The following TSHR variants were observed in gnomAD, a reference collection of about 807,000 sequenced individuals.
TSHR encodes the protein thyrotropin receptor.
In TSHR, 51 loss-of-function variants were observed where a neutral mutation model predicts 64.1. The observed-to-expected ratio is 0.80, with a 90% confidence interval of 0.64 to 1.01. The LOEUF is 1.01. Ranked by LOEUF, TSHR falls within the 50% of genes least tolerant of loss-of-function variation. TSHR has a pLI of 0.00. For synonymous variants in TSHR, 361 were observed against 361.9 expected, an observed-to-expected ratio of 1.00 and a Z score of 0.03; for missense variants, 877 against 942.8, an observed-to-expected ratio of 0.93 and a Z score of 0.91.
chr14:80,997,126 G>C (rs531409439), intron 1 of TSHR, among the ~76,000 whole-genome samples: 5 of 152,216 alleles, frequency 3.3e-5, no homozygotes, highest in Non-Finnish European at 7.4e-5. Context: ...TTACAGAAGA[G>C]GAACTGGAGG....
chr14:80,978,066 C>T (rs1292666337), intron 1 of TSHR, among the ~76,000 whole-genome samples: 1 of 149,890 alleles, frequency 6.7e-6, no homozygotes, highest in Non-Finnish European at 1.5e-5. Flanking sequence ...CTTCATCTTC[C>T]TTGCCTCCTC....
intron 1 of TSHR, among the ~76,000 whole-genome samples, chr14:80,985,623 T>G (rs185233034): frequency 8.3e-4 from 126 of 152,294 alleles, no homozygotes; most frequent in African/African-American, 2.8e-3. Context: ...TAATCCCTAG[T>G]CTGAGCTGAA....
chr14:81,115,297 A>C lies in TSHR; in HGVS notation c.692+6845A>C, dbSNP rs1321691293. ...AAAACTTTGAAAAAAATTTAGAAGA[A>C]TGTATAACGAGAATAACCAATACAG... On this transcript the variant is annotated intron_variant, in intron 8 of 9. Coordinates refer to ENST00000298171, the MANE Select transcript of TSHR (RefSeq NM_000369.5). Among the ~76,000 whole-genome samples the C allele has an allele frequency of 5.3e-5, 8 of 151,634 alleles. No individual in the cohort carries two copies. In the East Asian group the frequency reaches 1.6e-3, roughly 29 times the overall value.
At chr14:80,984,418 G>A (rs1340976124) in intron 1 of TSHR, among the ~76,000 whole-genome samples, 2 of 152,068 alleles carry the variant, frequency 1.3e-5, no homozygotes, top group East Asian at 3.8e-4. Flanking sequence ...TTTTTTTCCT[G>A]TACTCACAGT....
chr14:81,024,656 C>T (rs2139808515), intron 1 of TSHR, among the ~76,000 whole-genome samples: 1 of 152,314 alleles, frequency 6.6e-6, no homozygotes, highest in East Asian at 1.9e-4. Flanking sequence ...GCTGGTGTAG[C>T]TGCAGTGACA....
chr14:81,017,616 G>A (rs1329576083), intron 1 of TSHR, among the ~76,000 whole-genome samples: 1 of 152,138 alleles, frequency 6.6e-6, no homozygotes, highest in Non-Finnish European at 1.5e-5. Context: ...CACTGGGAAT[G>A]GGGTCTGAGA....
chr14:81,030,108 A>C (rs17545554), intron 1 of TSHR, among the ~76,000 whole-genome samples: 4,727 of 152,282 alleles, frequency 0.031, 99 homozygotes, highest in Non-Finnish European at 0.047. Context: ...TGCAGCACAG[A>C]AGAGAGTTGA....
intron 7 of TSHR, chr14:81,104,170 A>G: frequency 1.0e-6 from 1 of 985,446 alleles, no homozygotes; most frequent in African/African-American, 1.7e-5. Flanking sequence ...GTTACTATTT[A>G]CAAACAGCTG....
At chr14:80,984,542 G>T (rs1019536141) in intron 1 of TSHR, among the ~76,000 whole-genome samples, 9 of 152,170 alleles carry the variant, frequency 5.9e-5, no homozygotes, top group Non-Finnish European at 8.8e-5. Flanking sequence ...CAGGCAGGTG[G>T]CATAGCTGTT....
At chr14:81,136,033 T>C (rs1405585413) in intron 8 of TSHR, among the ~76,000 whole-genome samples, 1 of 152,160 alleles carries the variant, frequency 6.6e-6, no homozygotes, top group Admixed American at 6.5e-5. Context: ...TATAATAGAT[T>C]CTAATTTTGT....
intron 1 of TSHR, among the ~76,000 whole-genome samples, chr14:80,985,017 G>C (rs772276352): frequency 6.6e-6 from 1 of 152,182 alleles, no homozygotes; most frequent in Non-Finnish European, 1.5e-5. Flanking sequence ...TTGGGAAGCC[G>C]AGGCGGGTGG....
chr14:80,961,595 C>T (rs1200615764), intron 1 of TSHR, among the ~76,000 whole-genome samples: 2 of 152,144 alleles, frequency 1.3e-5, no homozygotes, highest in South Asian at 2.1e-4. Flanking sequence ...TGTTACTACT[C>T]CCTTCATAAC....
At chr14:81,078,745 A>T (rs935506036) in intron 3 of TSHR, 2 of 152,286 alleles carry the variant, frequency 1.3e-5, no homozygotes, top group Non-Finnish European at 2.9e-5. Flanking sequence ...AGATCCTGGG[A>T]TGGAGAAAAG....
intron 1 of TSHR, among the ~76,000 whole-genome samples, chr14:80,959,216 G>A (rs1394408179): frequency 6.6e-6 from 1 of 151,998 alleles, no homozygotes; most frequent in Non-Finnish European, 1.5e-5. Context: ...AGGGAGAGCT[G>A]GGATCCCTAC....
In TSHR at chr14:81,068,295, A is replaced by T. The variant is rs2139910100; in HGVS notation, c.284A>T (p.His95Leu). 1 of 1,613,174 alleles carries T rather than the reference A, an allele frequency of 6.2e-7. No individual in the cohort carries two copies. The highest frequency in any genetic ancestry group is 1.1e-5 in the South Asian group (1 of 91,060). ...IDVTLQQLES[H>L]SFYNLSKVTH... ...GTGACTCTGCAGCAGCTGGAATCAC[A>T]CTCCTTCTACAATTTGAGTAAAGTG... The change falls in exon 3 of 10, where the codon CAC becomes CTC. Residue 95 changes from histidine (H) to leucine (L), a missense_variant. Physicochemically the swap from His to Leu is moderately conservative, Grantham distance 99. Coordinates refer to ENST00000298171, the MANE Select transcript of TSHR (RefSeq NM_000369.5).
intron 5 of TSHR, among the ~76,000 whole-genome samples, 197 bp from the exon 6 acceptor site, chr14:81,092,334 G>GC (rs1372358114): frequency 6.6e-6 from 1 of 152,150 alleles, no homozygotes. Flanking sequence ...GGCTCCAGGT[G>GC]CATGTCATCT....
intron 1 of TSHR, among the ~76,000 whole-genome samples, chr14:80,998,333 G>A (rs1205633507): frequency 6.6e-6 from 1 of 152,006 alleles, no homozygotes; most frequent in Non-Finnish European, 1.5e-5. Flanking sequence ...ACTGTGGTAG[G>A]TGCTGGAAAT....
intron 7 of TSHR, among the ~76,000 whole-genome samples, chr14:81,100,149 G>A (rs994681056): frequency 2.6e-5 from 4 of 152,144 alleles, no homozygotes; most frequent in African/African-American, 9.7e-5. Flanking sequence ...ATTAATGGGT[G>A]TTACTTTTTA....
At chr14:81,029,365 A>G (rs950418712) in intron 1 of TSHR, among the ~76,000 whole-genome samples, 2 of 152,126 alleles carry the variant, frequency 1.3e-5, no homozygotes, top group South Asian at 4.1e-4. Context: ...AGCTTCTCAT[A>G]TATTTCATAC....
Sources: allele counts gnomAD v4.1 joint callset (sites outside exome capture counted in the v4.1 genomes callset), GRCh38; gene constraint gnomAD v4.1.1; transcripts MANE v1.5; gene names NCBI Gene and HGNC (gene_info 2026-07-23, HGNC 2026-07-21).